TEAD2: variants seen among roughly 807,000 people sequenced by gnomAD.
TEAD2 encodes transcriptional enhancer factor TEF-4.
A neutral mutation model predicts 61.4 loss-of-function variants in TEAD2; 51 were observed. The ratio of observed to expected loss-of-function variants is 0.83; its 90% CI spans 0.66 to 1.05. The LOEUF (loss-of-function observed/expected upper bound fraction) is 1.05, where lower values mean the gene tolerates loss of function less well. Ranked by LOEUF, TEAD2 falls within the 50% of genes least tolerant of loss-of-function variation. The pLI, the probability that TEAD2 is intolerant of heterozygous loss-of-function variation, is 0.00. For missense variants in TEAD2, 509 were observed against 600.0 expected, an observed-to-expected ratio of 0.85 and a Z score of 1.58; for synonymous variants, 244 against 243.2, an observed-to-expected ratio of 1.00 and a Z score of -0.03.
At position 49,361,226 on chromosome 19, in the gene TEAD2, A is replaced by C. The variant is rs1972891716; in HGVS notation, c.-7+1107T>G. ...GAGGGAGACAGAGACCCAGAGAGAGAGGGTGACAGAGACCCAGAGAGAGGG... is the reference window on the plus strand; with the variant it reads ...GAGGGAGACAGAGACCCAGAGAGAGCGGGTGACAGAGACCCAGAGAGAGGG... On this transcript the variant is annotated intron_variant, in intron 1 of 12. Transcript: ENST00000593945. 3.9e-5 allele frequency among the ~76,000 whole-genome samples: 5 copies of C among 126,938 alleles called. No individual in the cohort carries two copies. In the Admixed American group the frequency reaches 4.1e-4, roughly 10 times the overall value. The allele number at this position is 126,938 out of a possible 152,430, so 83.3% of individuals were successfully genotyped here.
At position 49,355,425 on chromosome 19, in the gene TEAD2, G is replaced by A; in HGVS notation, c.373-6C>T. ...TTGTCCTTGGAAACCTGGTCCTGGA[G>A]GAGGAGGCGGAAGTTCATGTGAGAG... On this transcript the variant is annotated splice_region_variant and splice_polypyrimidine_tract_variant and intron_variant, in intron 5 of 12. Coordinates refer to ENST00000593945, the MANE Select transcript of TEAD2 (RefSeq NM_001256660.2). 2 of 1,613,046 alleles carry A rather than the reference G, an allele frequency of 1.2e-6. No homozygotes were observed. Among genetic ancestry groups the A allele is most frequent in the Non-Finnish European group, 1.7e-6 (2 of 1,179,128 alleles).
intron 3 of TEAD2, among the ~76,000 whole-genome samples, chr19:49,358,411 C>T (rs1051454965): frequency 6.6e-6 from 1 of 151,954 alleles, no homozygotes; most frequent in African/African-American, 2.4e-5. Context: ...TGACTTTTCT[C>T]TCAAAAACAA....
At chr19:49,347,522 C>A (rs1464376155) in intron 9 of TEAD2, 159 bp from the exon 10 acceptor site, 10 of 763,270 alleles carry the variant, frequency 1.3e-5, no homozygotes, top group Non-Finnish European at 1.7e-5. Flanking sequence ...ATCGTCCCCA[C>A]TCCTGCTTCT....
rs764509825 is a variant in TEAD2, at chr19:49,347,235, T to C, written c.876A>G (p.Leu292=). Residue 292 remains leucine, a synonymous_variant, in exon 10 of 13, where the codon CTA becomes CTG. Transcript: ENST00000593945. The part of the protein sequence containing the change: ...FPEKKGGLRE[L]YDRGPPHAFF... ...AGGCATGGGGGGGGCCACGATCATA[T>C]AGCTCTCGGAGGCCACCCTTTTTCT... The C allele has an allele frequency of 3.7e-6, 6 of 1,614,150 alleles. No individual in the cohort carries two copies. The highest frequency in any genetic ancestry group is 5.1e-6 in the Non-Finnish European group (6 of 1,180,024).
Position 49,344,831 on chromosome 19 carries a change from C to A in TEAD2, c.922-1433G>T, listed in dbSNP as rs530027988. 5.1e-4 allele frequency among the ~76,000 whole-genome samples: 77 copies of A among 152,256 alleles called. 1 individual carries two copies. Among genetic ancestry groups the A allele is most frequent in the Non-Finnish European group, 2.9e-4 (20 of 68,024 alleles). On this transcript the variant is annotated intron_variant, in intron 10 of 12. Transcript: ENST00000593945. ...TGAGAGGTCAGACTCCCTCCATGAC[C>A]CCAGTGGCCAAGTGTGTGTAGACAG...
chr19:49,342,409 C>T (rs1971354816), intron 12 of TEAD2, 29 bp downstream of exon 12: 9 of 1,608,146 alleles, frequency 5.6e-6, no homozygotes, highest in East Asian at 2.2e-5. Context: ...CACTGGGGGG[C>T]CCCACTCCAG....
Position 49,359,470 on chromosome 19 carries a change from T to TG in TEAD2, c.261dup (p.Lys88GlnfsTer15). The TG allele has an allele frequency of 6.2e-7, 1 of 1,614,040 alleles. No individual in the cohort carries two copies. Among genetic ancestry groups the TG allele is most frequent in the Non-Finnish European group, 8.5e-7 (1 of 1,179,994 alleles). ...GTTCGGGTCTTCCCCGTTCTCAGCTTGATGTAGCGGGCGATCAGTTCATTC... is the reference window on the plus strand; with the variant it reads ...GTTCGGGTCTTCCCCGTTCTCAGCTTGGATGTAGCGGGCGATCAGTTCATTC... On this transcript the variant is annotated frameshift_variant, in exon 3 of 13. Transcript: ENST00000593945. LOFTEE classifies it high-confidence loss of function. The surrounding 1 kb of genome is among the most constrained non-coding windows in gnomAD (Gnocchi z 4.1).
intron 7 of TEAD2, 133 bp from the exon 8 acceptor site, chr19:49,351,498 G>T: frequency 1.3e-6 from 1 of 775,744 alleles, no homozygotes; most frequent in South Asian, 1.9e-5. Context: ...CTCACAGTGC[G>T]TGAGGTAGGT....
At chr19:49,346,990 GA>G (rs1456528201) in intron 10 of TEAD2, among the ~76,000 whole-genome samples, 199 bp downstream of exon 10, 3 of 152,168 alleles carry the variant, frequency 2.0e-5, no homozygotes, top group Admixed American at 1.3e-4. Flanking sequence ...GGGAGGCCCA[GA>G]CACCTCCAAC....
intron 7 of TEAD2, among the ~76,000 whole-genome samples, chr19:49,352,520 G>A (rs979847538): frequency 2.0e-5 from 3 of 152,136 alleles, no homozygotes; most frequent in Admixed American, 1.3e-4. Context: ...ACCAGCCTGG[G>A]CAACACAGCA....
chr19:49,360,050 G>T lies in TEAD2; in HGVS notation c.26C>A (p.Ala9Asp). Reference sequence around the variant, plus strand: ...CGTCCAGCCGCTGCCATCGTCCAGGGCGGCCCCAGCCCGGGGTTCCCCCAT... The same window carrying T: ...CGTCCAGCCGCTGCCATCGTCCAGGTCGGCCCCAGCCCGGGGTTCCCCCAT... MGEPRAGA[A>D]LDDGSGWTGS... Residue 9 changes from alanine to aspartate, a missense_variant, in exon 2 of 13, where the codon GCC (alanine) becomes GAC (aspartate). Coordinates refer to ENST00000593945, the MANE Select transcript of TEAD2 (RefSeq NM_001256660.2). 1 of 1,607,206 alleles carries T rather than the reference G, an allele frequency of 6.2e-7. No individual in the cohort carries two copies. Among genetic ancestry groups the T allele is most frequent in the Non-Finnish European group, 8.5e-7 (1 of 1,179,808 alleles).
chr19:49,344,709 T>C (rs1568560511), intron 10 of TEAD2, among the ~76,000 whole-genome samples: 1 of 152,332 alleles, frequency 6.6e-6, no homozygotes, highest in East Asian at 1.9e-4. Flanking sequence ...CCTCTCACTC[T>C]GGTTGCTAAG....
rs140245362 is a variant in TEAD2, at chr19:49,359,758, G to T, written c.232+86C>A. The T allele has an allele frequency of 1.5e-6, 2 of 1,365,716 alleles. No homozygotes were observed. Among genetic ancestry groups the T allele is most frequent in the Admixed American group, 1.8e-5 (1 of 57,002 alleles). 84.6% of individuals were successfully genotyped at this position (1,365,716 alleles called of 1,614,324 possible). On this transcript the variant is annotated intron_variant, in intron 2 of 12. Transcript: ENST00000593945. The surrounding 1 kb of genome is among the most constrained non-coding windows in gnomAD (Gnocchi z 4.1). ...CTCATCTGTGCAAATGGTGATGCTA[G>T]CTCCTACTTCAGAGTGCTCCATAAA...
At chr19:49,362,055 C>A (rs2146728409) in intron 1 of TEAD2, 1 of 152,962 alleles carries the variant, frequency 6.5e-6, no homozygotes, top group East Asian at 1.9e-4. Flanking sequence ...CCAGATTACA[C>A]AAGGGGTCCT....
At position 49,359,013 on chromosome 19, in the gene TEAD2, T is replaced by C. The variant is rs1038452959; in HGVS notation, c.297+422A>G. ...CAGCACTTTGGGGGGCTGAGGTGAG[T>C]GGATCACCTGAGGTCAGGAGTTCGA... On this transcript the variant is annotated intron_variant, in intron 3 of 12. Transcript: ENST00000593945. This position sits in a 1 kb window ranked among gnomAD's most constrained non-coding sequence, Gnocchi z 4.1. Among the ~76,000 whole-genome samples the C allele has an allele frequency of 3.3e-5, 5 of 151,686 alleles. No individual in the cohort carries two copies. Among genetic ancestry groups the C allele is most frequent in the African/African-American group, 9.7e-5 (4 of 41,308 alleles).
Position 49,355,222 on chromosome 19 carries a change from AGAAAAATG to A in TEAD2, c.481-24_481-17del. ...GCTCAGAGGCCTGGATAGGACACAA[AGAAAAATG>A]GTTGGTCAGTCCCCTGTGGACAGCT... On this transcript the variant is annotated splice_polypyrimidine_tract_variant and intron_variant, in intron 6 of 12. Transcript: ENST00000593945. The A allele has an allele frequency of 6.2e-7, 1 of 1,613,766 alleles. No individual in the cohort carries two copies. The highest frequency in any genetic ancestry group is 8.5e-7 in the Non-Finnish European group (1 of 1,179,858).
chr19:49,342,410 C>T (rs781623870), intron 12 of TEAD2, 28 bp downstream of exon 12: 1 of 1,608,666 alleles, frequency 6.2e-7, no homozygotes, highest in South Asian at 1.1e-5. Context: ...ACTGGGGGGC[C>T]CCACTCCAGC....
chr19:49,343,145 T>C (rs1600701224), intron 11 of TEAD2, 86 bp downstream of exon 11: 2 of 1,458,894 alleles, frequency 1.4e-6, no homozygotes, highest in East Asian at 2.3e-5. Flanking sequence ...CCTCCATGCA[T>C]ACTCCCAAAT....
At chr19:49,353,495 G>A (rs765525725) in intron 7 of TEAD2, among the ~76,000 whole-genome samples, 6 of 152,120 alleles carry the variant, frequency 3.9e-5, no homozygotes, top group Non-Finnish European at 8.8e-5. Flanking sequence ...CCCAGAACCT[G>A]CTGTGGTTCT....
Sources: allele counts gnomAD v4.1 joint callset (sites outside exome capture counted in the v4.1 genomes callset), GRCh38; gene constraint gnomAD v4.1.1; non-coding constraint Gnocchi (gnomAD v3.1); transcripts MANE v1.5; gene names NCBI Gene and HGNC (gene_info 2026-07-23, HGNC 2026-07-21).